The following CDYL variants were observed in gnomAD, a reference collection of about 807,000 sequenced individuals.
CDYL encodes the protein chromodomain Y-like protein.
Under a neutral mutation model 47.3 loss-of-function variants are expected in CDYL, and 8 were observed. The ratio of observed to expected loss-of-function variants is 0.17; its 90% CI spans 0.10 to 0.31. The LOEUF is 0.31. Ranked by LOEUF, CDYL falls within the 10% of genes least tolerant of loss-of-function variation. The probability of loss-of-function intolerance (pLI) is 1.00; values close to 1 mark genes in which losing one functional copy is unlikely to be tolerated. For synonymous variants in CDYL, 266 were observed against 265.0 expected (o/e 1.00, Z -0.04); for missense variants, 471 against 701.4 (o/e 0.67, Z 3.71).
rs114803653 is a variant in CDYL, at chr6:4,784,898, G to A, written c.24+8091G>A. Among the ~76,000 whole-genome samples the A allele has an allele frequency of 7.3e-3, 1,105 of 151,912 alleles. 17 individuals carry two copies. The highest frequency in any genetic ancestry group is 0.026 in the African/African-American group (1,054 of 41,218). On this transcript the variant is annotated intron_variant, in intron 1 of 6. Coordinates refer to ENST00000397588, the MANE Select transcript of CDYL (RefSeq NM_004824.4). The stretch of plus-strand genomic sequence containing the variant: ...AGATCTCATGGTTTGATAAAAAGGA[G>A]TTCCCCTGCACAAGCTCTCTTGCCT...
At chr6:4,943,232 A>T (rs1208598512) in intron 4 of CDYL, among the ~76,000 whole-genome samples, 1 of 152,098 alleles carries the variant, frequency 6.6e-6, no homozygotes, top group Admixed American at 6.5e-5. Flanking sequence ...GGGGAGCAAG[A>T]TGTGTTGTTT....
chr6:4,762,339 T>TA (rs1758187344), intron 3 of CDYL, among the ~76,000 whole-genome samples: 1 of 152,168 alleles, frequency 6.6e-6, no homozygotes, highest in Non-Finnish European at 1.5e-5. Flanking sequence ...TGGAGAAATA[T>TA]AACATCATCT....
At chr6:4,856,170 T>C (rs1030503065) in intron 1 of CDYL, among the ~76,000 whole-genome samples, 1 of 152,138 alleles carries the variant, frequency 6.6e-6, no homozygotes, top group African/African-American at 2.4e-5. Flanking sequence ...GTTCCAGCCT[T>C]CTAGTAGAGG....
At chr6:4,853,692 A>T (rs550553404) in intron 1 of CDYL, among the ~76,000 whole-genome samples, 1 of 152,310 alleles carries the variant, frequency 6.6e-6, no homozygotes, top group East Asian at 1.9e-4. Context: ...AATATCTTTT[A>T]AAAAGGAAAC....
chr6:4,719,986 G>A (rs918689002), intron 2 of CDYL, among the ~76,000 whole-genome samples: 47 of 152,130 alleles, frequency 3.1e-4, no homozygotes, highest in African/African-American at 1.1e-3. Context: ...CCATTTCAAC[G>A]CTTATAGCAA....
At chr6:4,924,067 G>T (rs1406118266) in intron 2 of CDYL, among the ~76,000 whole-genome samples, 1 of 152,076 alleles carries the variant, frequency 6.6e-6, no homozygotes, top group Non-Finnish European at 1.5e-5. Context: ...GTGTCTCTAG[G>T]TTCACAATTC....
intron 1 of CDYL, among the ~76,000 whole-genome samples, chr6:4,801,021 G>T (rs113015285): frequency 0.019 from 2,818 of 152,208 alleles, 103 homozygotes; most frequent in African/African-American, 0.065. Flanking sequence ...GTCCAATTAA[G>T]GTACTGCTTC....
intron 1 of CDYL, among the ~76,000 whole-genome samples, chr6:4,777,230 G>T (rs973778732): frequency 2.0e-5 from 3 of 152,102 alleles, no homozygotes; most frequent in Admixed American, 1.3e-4. Context: ...CCTGGTCGGG[G>T]GGTGGCGGGG....
intron 1 of CDYL, among the ~76,000 whole-genome samples, chr6:4,830,513 T>C (rs2127453402): frequency 6.6e-6 from 1 of 152,340 alleles, no homozygotes; most frequent in African/African-American, 2.4e-5. Flanking sequence ...CTGAAGCTTT[T>C]TGTTATTTTT....
At chr6:4,819,515 T>A (rs961771717) in intron 1 of CDYL, among the ~76,000 whole-genome samples, 2 of 152,160 alleles carry the variant, frequency 1.3e-5, no homozygotes, top group Non-Finnish European at 2.9e-5. Flanking sequence ...ACTTGCTGTT[T>A]TTGGGGTCCA....
chr6:4,883,429 G>T (rs808620), intron 1 of CDYL, among the ~76,000 whole-genome samples: 7,542 of 152,158 alleles, frequency 0.05, 603 homozygotes, highest in African/African-American at 0.17. Flanking sequence ...TGACCCATGC[G>T]GAGAATTCTA....
intron 1 of CDYL, among the ~76,000 whole-genome samples, chr6:4,778,115 G>A (rs1270448729): frequency 1.3e-5 from 2 of 152,164 alleles, no homozygotes; most frequent in Non-Finnish European, 2.9e-5. Context: ...GAAGGAAAGT[G>A]TTGTGTGTCT....
chr6:4,848,311 G>A (rs1182866758), intron 1 of CDYL, among the ~76,000 whole-genome samples: 1 of 152,056 alleles, frequency 6.6e-6, no homozygotes. Flanking sequence ...ATTGATTCTT[G>A]GTGCTTTTTT....
rs140790990 is a variant in CDYL, at chr6:4,852,931, C to T, written c.25-38782C>T. Reference sequence around the variant, plus strand: ...CTCCTGCCTCAGTCATTTGAGTAGCCGGGACCAGCTACCATGCCCAGCTAA... The same window carrying T: ...CTCCTGCCTCAGTCATTTGAGTAGCTGGGACCAGCTACCATGCCCAGCTAA... On this transcript the variant is annotated intron_variant, in intron 1 of 6. Coordinates refer to ENST00000397588, the MANE Select transcript of CDYL (RefSeq NM_004824.4). Among the ~76,000 whole-genome samples, 1,367 of 151,926 alleles carry T rather than the reference C, an allele frequency of 9.0e-3. 11 individuals are homozygous for T. The highest frequency in any genetic ancestry group is 0.014 in the Non-Finnish European group (924 of 67,952).
At chr6:4,927,790 C>T (rs1485490129) in intron 2 of CDYL, among the ~76,000 whole-genome samples, 7 of 152,138 alleles carry the variant, frequency 4.6e-5, no homozygotes, top group Admixed American at 1.3e-4. Context: ...ACTAGCTTTT[C>T]GTCTGTGAAA....
chr6:4,751,655 A>G (rs964170607), intron 3 of CDYL, among the ~76,000 whole-genome samples: 18 of 152,232 alleles, frequency 1.2e-4, no homozygotes, highest in African/African-American at 4.3e-4. Flanking sequence ...AGGGGTAGCG[A>G]TGGACGAAGA....
At chr6:4,947,292 G>A (rs947297931) in intron 5 of CDYL, among the ~76,000 whole-genome samples, 3 of 152,128 alleles carry the variant, frequency 2.0e-5, no homozygotes, top group East Asian at 1.9e-4. Flanking sequence ...CCGTAGGCTC[G>A]GGATCAGAGG....
intron 3 of CDYL, among the ~76,000 whole-genome samples, chr6:4,749,568 G>C (rs1334582736): frequency 6.6e-6 from 1 of 152,218 alleles, no homozygotes; most frequent in Non-Finnish European, 1.5e-5. Context: ...TGAATAGACT[G>C]TTTCAATGTT....
At chr6:4,936,842 T>C (rs1420447602) in intron 3 of CDYL, among the ~76,000 whole-genome samples, 2 of 151,708 alleles carry the variant, frequency 1.3e-5, no homozygotes, top group Non-Finnish European at 2.9e-5. Flanking sequence ...CAATTTGCCT[T>C]ATCTAAGAGC....
Sources: gnomAD v4.1 joint callset for allele counts (sites outside exome capture counted in the v4.1 genomes callset) on GRCh38, gnomAD v4.1.1 for gene constraint, MANE v1.5 for transcripts, NCBI Gene and HGNC (gene_info 2026-07-23, HGNC 2026-07-21) for gene names.